ADAM18: variants seen among roughly 807,000 people sequenced by gnomAD.
ADAM18 encodes the protein disintegrin and metalloproteinase domain-containing protein 18.
Under a neutral mutation model 94.4 loss-of-function variants are expected in ADAM18, and 117 were observed. The observed-to-expected ratio is 1.24, with a 90% CI of 1.07 to 1.45. The LOEUF is 1.45. Among genes scored for constraint, ADAM18 ranks in the 40% most tolerant of loss-of-function variants. ADAM18 has a pLI of 0.00. For missense variants in ADAM18, 936 were observed against 880.0 expected, an observed-to-expected ratio of 1.06 and a Z score of -0.81; for synonymous variants, 327 against 291.6, an observed-to-expected ratio of 1.12 and a Z score of -1.24.
intron 7 of ADAM18, among the ~76,000 whole-genome samples, chr8:39,633,853 T>G (rs1181334331): frequency 2.0e-4 from 28 of 139,366 alleles, no homozygotes; most frequent in East Asian, 4.3e-4. Context: ...AGGTGGGGGA[T>G]GGGGGGTTGG....
chr8:39,598,767 CA>C (rs111241820), intron 2 of ADAM18, among the ~76,000 whole-genome samples: 21,864 of 106,166 alleles, frequency 0.21, 1,861 homozygotes, highest in Non-Finnish European at 0.27. Flanking sequence ...GACTCCGTCT[CA>C]AAAAAAAAAA....
chr8:39,618,591 AAC>A (rs1819516567), intron 6 of ADAM18, among the ~76,000 whole-genome samples: 1 of 152,194 alleles, frequency 6.6e-6, no homozygotes, highest in Non-Finnish European at 1.5e-5. Context: ...AATCCATAGA[AAC>A]ACGACGTGAA....
Position 39,634,961 on chromosome 8 carries a change from G to A in ADAM18, c.589-2303G>A, listed in dbSNP as rs764015723. Among the ~76,000 whole-genome samples, 136 of 152,238 alleles carry A rather than the reference G, an allele frequency of 8.9e-4. 1 individual carries two copies. Among genetic ancestry groups the A allele is most frequent in the Non-Finnish European group, 8.5e-4 (58 of 68,006 alleles). ...TGAATATGTTCCTTCCAAAATTCAG[G>A]TATTAAAACTTAATGGCCAATGTGA... On this transcript the variant is annotated intron_variant, in intron 7 of 19. Coordinates refer to ENST00000265707, the MANE Select transcript of ADAM18 (RefSeq NM_014237.3).
intron 18 of ADAM18, among the ~76,000 whole-genome samples, chr8:39,712,627 C>T (rs1409069090): frequency 3.3e-5 from 5 of 152,162 alleles, no homozygotes; most frequent in African/African-American, 1.2e-4. Flanking sequence ...GCAAAAATCA[C>T]AAGCATTCCT....
At chr8:39,661,601 C>T (rs1403113153) in intron 12 of ADAM18, among the ~76,000 whole-genome samples, 4 of 152,002 alleles carry the variant, frequency 2.6e-5, no homozygotes, top group African/African-American at 4.8e-5. Context: ...TATTGATTAT[C>T]AAGACCTCCA....
chr8:39,629,471 G>T, intron 7 of ADAM18, 32 bp downstream of exon 7: 1 of 1,410,454 alleles, frequency 7.1e-7, no homozygotes, highest in Non-Finnish European at 9.7e-7. Flanking sequence ...CTTTCAAGAA[G>T]GAACTAAGTA....
At chr8:39,666,759 C>G (rs1264064962) in intron 13 of ADAM18, among the ~76,000 whole-genome samples, 5 of 152,082 alleles carry the variant, frequency 3.3e-5, no homozygotes, top group Admixed American at 3.3e-4. Flanking sequence ...AGACCTGCCC[C>G]CTGATTGAAT....
intron 7 of ADAM18, among the ~76,000 whole-genome samples, chr8:39,637,053 A>ATATATACATATATATATATG (rs1563285276): frequency 7.2e-6 from 1 of 138,672 alleles, no homozygotes; most frequent in African/African-American, 2.7e-5. Flanking sequence ...ATATATATAT[A>ATATATACATATATATATATG]TATATATATA....
At chr8:39,698,054 T>C (rs1199039971) in intron 17 of ADAM18, among the ~76,000 whole-genome samples, 3 of 151,890 alleles carry the variant, frequency 2.0e-5, no homozygotes, top group African/African-American at 7.2e-5. Flanking sequence ...CTTTTGGGAT[T>C]AAATTTACAC....
At chr8:39,594,937 C>T (rs1818695845) in intron 2 of ADAM18, among the ~76,000 whole-genome samples, 1 of 151,098 alleles carries the variant, frequency 6.6e-6, no homozygotes, top group Non-Finnish European at 1.5e-5. Flanking sequence ...TCAACTGTAG[C>T]CTCCGTCTCT....
Position 39,610,662 on chromosome 8 carries a change from A to C in ADAM18, c.478A>C (p.Ile160Leu). ...CATTTTAGCAGTAAATTACAGTCAT[A>C]TTTGGCAGAAAGACCAGCCCTACAA... ...VSILAVNYSHIWQKDQPYKVP... is the reference protein window; with the variant it reads ...VSILAVNYSHLWQKDQPYKVP... The change falls in exon 6 of 20, where the codon ATT becomes CTT. Residue 160 changes from isoleucine (I) to leucine (L), a missense_variant. Transcript: ENST00000265707. The C allele has an allele frequency of 6.2e-7, 1 of 1,613,386 alleles. No homozygotes were observed. The highest frequency in any genetic ancestry group is 8.5e-7 in the Non-Finnish European group (1 of 1,179,576).
intron 13 of ADAM18, among the ~76,000 whole-genome samples, chr8:39,665,020 A>G (rs1009736188): frequency 6.6e-6 from 1 of 152,190 alleles, no homozygotes; most frequent in African/African-American, 2.4e-5. Flanking sequence ...ATTTAAGCTT[A>G]TAACTAGCAT....
intron 6 of ADAM18, chr8:39,611,568 C>A (rs1819272879): frequency 1.0e-6 from 1 of 985,202 alleles, no homozygotes; most frequent in South Asian, 4.7e-5. Flanking sequence ...AAAAAGCATT[C>A]TTCTCGGGTT....
intron 6 of ADAM18, among the ~76,000 whole-genome samples, chr8:39,617,667 C>G (rs901605001): frequency 6.6e-6 from 1 of 152,118 alleles, no homozygotes; most frequent in African/African-American, 2.4e-5. Flanking sequence ...ATAAAGAATA[C>G]TGAAATTATG....
chr8:39,630,439 A>G (rs182027686), intron 7 of ADAM18, among the ~76,000 whole-genome samples: 1 of 151,632 alleles, frequency 6.6e-6, no homozygotes, highest in East Asian at 1.9e-4. Context: ...ATTGAGAAAG[A>G]TGTAGGAATT....
At chr8:39,627,488 A>G (rs900240263) in intron 6 of ADAM18, among the ~76,000 whole-genome samples, 12 of 152,270 alleles carry the variant, frequency 7.9e-5, no homozygotes, top group South Asian at 2.1e-4. Flanking sequence ...TTTGTCTTTT[A>G]AAACTGTTTT....
intron 18 of ADAM18, among the ~76,000 whole-genome samples, chr8:39,712,831 G>T (rs1003681106): frequency 6.6e-6 from 1 of 152,176 alleles, no homozygotes; most frequent in Non-Finnish European, 1.5e-5. Flanking sequence ...TCATGAATAG[G>T]AAGAATCAGT....
intron 15 of ADAM18, among the ~76,000 whole-genome samples, chr8:39,678,531 C>G (rs895167688): frequency 1.9e-4 from 29 of 152,082 alleles, no homozygotes; most frequent in African/African-American, 6.8e-4. Context: ...GGAGGAGACC[C>G]GGCATAATCA....
Position 39,645,533 on chromosome 8 carries a change from GATA to G in ADAM18, c.1046+62_1046+64del, listed in dbSNP as rs1199136752. 5.3e-6 allele frequency: 8 copies of G among 1,510,922 alleles called. 1 individual carries two copies. The Admixed American group carries it at 8.3e-5, about 16-fold the overall frequency. The allele number at this position is 1,510,922 out of a possible 1,614,324, so 93.6% of individuals were successfully genotyped here. On this transcript the variant is annotated intron_variant, in intron 11 of 19. Coordinates refer to ENST00000265707, the MANE Select transcript of ADAM18 (RefSeq NM_014237.3). ...TTTTATAAGGTTGTTTCCAAAATGT[GATA>G]ATGTTTTTAAACTTTTATATTCGGC...
Sources: allele counts gnomAD v4.1 joint callset (sites outside exome capture counted in the v4.1 genomes callset), GRCh38; gene constraint gnomAD v4.1.1; transcripts MANE v1.5; gene names NCBI Gene and HGNC (gene_info 2026-07-23, HGNC 2026-07-21).